CTNND2: variants seen among roughly 807,000 people sequenced by gnomAD.
CTNND2 encodes the protein catenin delta 2.
In CTNND2, 22 loss-of-function variants were observed where a neutral mutation model predicts 144.4. The ratio of observed to expected loss-of-function variants is 0.15; its 90% CI spans 0.11 to 0.22. The LOEUF (loss-of-function observed/expected upper bound fraction) is 0.22. CTNND2 is among the 10% of genes least tolerant of loss of function. The pLI, the probability that CTNND2 is intolerant of heterozygous loss-of-function variation, is 1.00. For synonymous variants in CTNND2, 751 were observed against 695.6 expected, an observed-to-expected ratio of 1.08 and a Z score of -1.25; for missense variants, 1,353 against 1,618.8, an observed-to-expected ratio of 0.84 and a Z score of 2.82.
intron 16 of CTNND2, among the ~76,000 whole-genome samples, chr5:11,029,264 G>GT (rs1319517184): frequency 1.3e-5 from 2 of 152,048 alleles, no homozygotes; most frequent in African/African-American, 4.8e-5. Context: ...TGATTGGAGA[G>GT]TTTATCCATG....
At chr5:11,623,178 G>A (rs141076999) in intron 2 of CTNND2, among the ~76,000 whole-genome samples, 1 of 152,246 alleles carries the variant, frequency 6.6e-6, no homozygotes, top group East Asian at 1.9e-4. Flanking sequence ...CAAATCGGTA[G>A]AAGTGTTCAT....
intron 9 of CTNND2, among the ~76,000 whole-genome samples, chr5:11,322,755 T>C (rs1159238533): frequency 6.6e-6 from 1 of 152,176 alleles, no homozygotes; most frequent in Non-Finnish European, 1.5e-5. Context: ...TTTACAAAAG[T>C]ATGGGCATTC....
chr5:11,326,242 A>G (rs1752507596), intron 9 of CTNND2, among the ~76,000 whole-genome samples: 1 of 152,184 alleles, frequency 6.6e-6, no homozygotes, highest in South Asian at 2.1e-4. Context: ...CCAAGTGTAT[A>G]GATGTGTGAC....
intron 2 of CTNND2, among the ~76,000 whole-genome samples, chr5:11,577,124 T>C (rs991307481): frequency 1.3e-5 from 2 of 152,232 alleles, no homozygotes; most frequent in African/African-American, 2.4e-5. Flanking sequence ...CTTATTATTA[T>C]GTTTTATTTC....
chr5:11,134,036 T>C (rs1487515487), intron 12 of CTNND2, among the ~76,000 whole-genome samples: 1 of 152,158 alleles, frequency 6.6e-6, no homozygotes, highest in Non-Finnish European at 1.5e-5. Flanking sequence ...AGGGAAATGA[T>C]CCTGGATTAT....
At chr5:11,190,851 A>G (rs541406460) in intron 11 of CTNND2, among the ~76,000 whole-genome samples, 1 of 152,344 alleles carries the variant, frequency 6.6e-6, no homozygotes, top group Admixed American at 6.5e-5. Context: ...ATGGTAGAAA[A>G]GCATATTGCC....
chr5:11,284,825 T>C (rs1163876134), intron 9 of CTNND2, among the ~76,000 whole-genome samples: 2 of 152,194 alleles, frequency 1.3e-5, no homozygotes, highest in East Asian at 1.9e-4. Context: ...TAACTTTGGC[T>C]TCTAAGCATG....
At chr5:11,378,784 C>T (rs1758182798) in intron 7 of CTNND2, among the ~76,000 whole-genome samples, 1 of 151,582 alleles carries the variant, frequency 6.6e-6, no homozygotes, top group African/African-American at 2.4e-5. Flanking sequence ...GGACTAGACT[C>T]TTTTTTTTTC....
rs772703067 is a variant in CTNND2, at chr5:11,732,223, A to G, written c.87T>C (p.Ser29=). ...AGGTGTTTAAGCCGGGGCTCAGGGAACTCGTCTTCTCTGAGGCTGATGAAG... is the reference window on the plus strand; with the variant it reads ...AGGTGTTTAAGCCGGGGCTCAGGGAGCTCGTCTTCTCTGAGGCTGATGAAG... The part of the protein sequence containing the change: ...DQPSSASEKT[S]SLSPGLNTSN... The change falls in exon 2 of 22, where the codon AGT becomes AGC. Residue 29 remains serine (S), a synonymous_variant. Coordinates refer to ENST00000304623, the MANE Select transcript of CTNND2 (RefSeq NM_001332.4). The G allele has an allele frequency of 6.2e-7, 1 of 1,613,924 alleles. No homozygotes were observed. Among genetic ancestry groups the G allele is most frequent in the Admixed American group, 1.7e-5 (1 of 59,994 alleles).
At chr5:11,125,492 T>A (rs987692430) in intron 12 of CTNND2, among the ~76,000 whole-genome samples, 2 of 152,226 alleles carry the variant, frequency 1.3e-5, no homozygotes, top group Non-Finnish European at 2.9e-5. Flanking sequence ...CTGGGAATGG[T>A]GTGGACATCA....
intron 3 of CTNND2, among the ~76,000 whole-genome samples, chr5:11,527,318 T>C (rs2150049622): frequency 6.6e-6 from 1 of 151,946 alleles, no homozygotes; most frequent in African/African-American, 2.4e-5. Flanking sequence ...AATGGCAGAG[T>C]GTGGCTTAGA....
chr5:11,629,408 A>G (rs11959286), intron 2 of CTNND2, among the ~76,000 whole-genome samples: 2,578 of 152,180 alleles, frequency 0.017, 87 homozygotes, highest in African/African-American at 0.059. Flanking sequence ...CCCATTCCCT[A>G]CCCCTGGCAT....
At chr5:10,987,174 A>G (rs1425006873) in intron 20 of CTNND2, among the ~76,000 whole-genome samples, 1 of 152,224 alleles carries the variant, frequency 6.6e-6, no homozygotes, top group Non-Finnish European at 1.5e-5. Context: ...CTTTTAAGGT[A>G]TAACTCCCTC....
chr5:11,563,588 T>C (rs1383109205), intron 3 of CTNND2, among the ~76,000 whole-genome samples: 1 of 152,224 alleles, frequency 6.6e-6, no homozygotes, highest in Non-Finnish European at 1.5e-5. Context: ...ATGAGTTTAA[T>C]ACACCATGAT....
In CTNND2 at chr5:11,548,052, T is replaced by C. The variant is rs182082842; in HGVS notation, c.287+16892A>G. Among the ~76,000 whole-genome samples, 6 of 151,362 alleles carry C rather than the reference T, an allele frequency of 4.0e-5. No homozygotes were observed. In the South Asian group the frequency reaches 8.4e-4, roughly 21 times the overall value. ...CAAATGACGGAGTAGGAGTCATCAG[T>C]GAAAGAAAAAAAAAATGCATGAACT... On this transcript the variant is annotated intron_variant, in intron 3 of 21. Transcript: ENST00000304623.
intron 16 of CTNND2, among the ~76,000 whole-genome samples, chr5:11,078,027 G>A (rs964287183): frequency 6.6e-6 from 1 of 152,180 alleles, no homozygotes; most frequent in African/African-American, 2.4e-5. Flanking sequence ...ACATCCAGTG[G>A]AGAGGATAGA....
intron 3 of CTNND2, among the ~76,000 whole-genome samples, chr5:11,450,560 T>A (rs563642957): frequency 2.7e-4 from 41 of 152,300 alleles, no homozygotes; most frequent in East Asian, 7.7e-4. Flanking sequence ...CATCTAGCTT[T>A]AAGACAAAAC....
At chr5:11,087,663 A>C (rs2907106) in intron 15 of CTNND2, among the ~76,000 whole-genome samples, 31,224 of 152,004 alleles carry the variant, frequency 0.21, 3,590 homozygotes, top group Middle Eastern at 0.3. Flanking sequence ...ATGACTAGTG[A>C]AGAATTCCAT....
At chr5:11,208,507 G>A (rs1443569033) in intron 10 of CTNND2, among the ~76,000 whole-genome samples, 1 of 152,096 alleles carries the variant, frequency 6.6e-6, no homozygotes, top group East Asian at 1.9e-4. Flanking sequence ...AAAAACTCCA[G>A]AAAAGATACA....
Sources: allele counts gnomAD v4.1 joint callset (sites outside exome capture counted in the v4.1 genomes callset), GRCh38; gene constraint gnomAD v4.1.1; transcripts MANE v1.5; gene names NCBI Gene and HGNC (gene_info 2026-07-23, HGNC 2026-07-21).